XNDC1N: variants seen among roughly 807,000 people sequenced by gnomAD.
XNDC1N encodes the protein protein XNDC1N.
At chr11:71,916,149 C>T in the XNDC1N span, 1 of 702,896 alleles carries the variant, frequency 1.4e-6, no homozygotes, top group South Asian at 1.5e-5. Flanking sequence ...AAGAACACAC[C>T]CGTAGAAAGG....
chr11:71,875,933 G>A, the XNDC1N span, among the ~76,000 whole-genome samples: 8 of 152,190 alleles, frequency 5.3e-5, no homozygotes, highest in African/African-American at 1.9e-4. Context: ...GGTTGAGGCA[G>A]GAGATTCACT....
the XNDC1N span, among the ~76,000 whole-genome samples, chr11:71,877,887 G>A: frequency 6.6e-6 from 1 of 152,212 alleles, no homozygotes; most frequent in Admixed American, 6.5e-5. Context: ...ACATATAACT[G>A]ATGTGAAAAC....
the XNDC1N span, among the ~76,000 whole-genome samples, chr11:71,905,009 C>T: frequency 1.3e-5 from 2 of 151,844 alleles, no homozygotes; most frequent in Admixed American, 6.5e-5. Flanking sequence ...AGGGGGTGCA[C>T]ATACATTGTG....
chr11:71,898,627 C>T, the XNDC1N span, among the ~76,000 whole-genome samples: 1 of 152,126 alleles, frequency 6.6e-6, no homozygotes, highest in African/African-American at 2.4e-5. Context: ...CAATTAAATA[C>T]AGTATGATTC....
the XNDC1N span, chr11:71,904,225 A>T: frequency 2.6e-6 from 1 of 386,822 alleles, no homozygotes; most frequent in Non-Finnish European, 5.2e-6. Flanking sequence ...CCATTGTGTC[A>T]TTACGAGTAA....
the XNDC1N span, among the ~76,000 whole-genome samples, chr11:71,922,541 G>C: frequency 6.6e-6 from 1 of 152,174 alleles, no homozygotes; most frequent in African/African-American, 2.4e-5. Context: ...GGGCTCAAGA[G>C]ATCCTCCTGC....
At chr11:71,916,337 G>A in the XNDC1N span, 5 of 669,294 alleles carry the variant, frequency 7.5e-6, no homozygotes. Flanking sequence ...CAATACTAAG[G>A]AAAAGAGCTA....
the XNDC1N span, chr11:71,928,417 A>C: frequency 1.4e-6 from 1 of 700,602 alleles, no homozygotes; most frequent in Non-Finnish European, 2.6e-6. Context: ...CGGACCACCA[A>C]ACCTATTCTC....
the XNDC1N span, among the ~76,000 whole-genome samples, chr11:71,888,322 G>A: frequency 2.6e-5 from 4 of 152,186 alleles, no homozygotes; most frequent in Admixed American, 6.5e-5. Context: ...GCAGGTGAGA[G>A]AATTCTTAGG....
chr11:71,870,720 T>A, the XNDC1N span, among the ~76,000 whole-genome samples: 1 of 152,090 alleles, frequency 6.6e-6, no homozygotes, highest in Non-Finnish European at 1.5e-5. Context: ...AAAATGGGCA[T>A]GGGAGGTGAA....
At chr11:71,909,531 C>A in the XNDC1N span, among the ~76,000 whole-genome samples, 14 of 152,176 alleles carry the variant, frequency 9.2e-5, no homozygotes, top group African/African-American at 2.2e-4. Flanking sequence ...CAGAAGGGTT[C>A]TTGGACTGAG....
the XNDC1N span, among the ~76,000 whole-genome samples, chr11:71,898,288 C>A: frequency 6.6e-6 from 1 of 151,814 alleles, no homozygotes; most frequent in Non-Finnish European, 1.5e-5. Context: ...AAGACATTAT[C>A]GTCAGTGAAA....
At chr11:71,868,639 T>C in the XNDC1N span, among the ~76,000 whole-genome samples, 1 of 152,226 alleles carries the variant, frequency 6.6e-6, no homozygotes, top group Non-Finnish European at 1.5e-5. Context: ...AGTTGCAGCT[T>C]AACAGTCCAC....
the XNDC1N span, among the ~76,000 whole-genome samples, chr11:71,886,974 G>A: frequency 4.6e-5 from 7 of 152,178 alleles, no homozygotes; most frequent in African/African-American, 1.7e-4. Flanking sequence ...TAGGACAGTG[G>A]AAGAACAAAT....
the XNDC1N span, chr11:71,927,757 T>G: frequency 5.3e-5 from 8 of 152,248 alleles, no homozygotes; most frequent in African/African-American, 1.9e-4. Context: ...TAAATCATAA[T>G]GCCAGTAGTC....
the XNDC1N span, among the ~76,000 whole-genome samples, chr11:71,912,456 C>T: frequency 3.3e-5 from 5 of 152,036 alleles, no homozygotes; most frequent in East Asian, 3.9e-4. Context: ...TGCGGGTATA[C>T]GTTTCCTACG....
At chr11:71,892,481 A>G in the XNDC1N span, among the ~76,000 whole-genome samples, 6,739 of 151,946 alleles carry the variant, frequency 0.044, 523 homozygotes, top group African/African-American at 0.16. Flanking sequence ...TAGAGCCACC[A>G]TGATATTAGG....
the XNDC1N span, among the ~76,000 whole-genome samples, chr11:71,922,057 G>A: frequency 1.3e-5 from 2 of 152,056 alleles, no homozygotes; most frequent in African/African-American, 4.8e-5. Flanking sequence ...CTACACAGGA[G>A]GCTGAGGCAG....
chr11:71,919,162 C>A, the XNDC1N span: 1 of 616,878 alleles, frequency 1.6e-6, no homozygotes, highest in Non-Finnish European at 2.9e-6. Flanking sequence ...AGATGGGAGG[C>A]CATAGGAATA....
Sources: allele counts gnomAD v4.1 joint callset (sites outside exome capture counted in the v4.1 genomes callset), GRCh38; gene constraint gnomAD v4.1.1; transcripts MANE v1.5; gene names NCBI Gene and HGNC (gene_info 2026-07-23, HGNC 2026-07-21).